Variants in VAV3 observed in about 807,000 individuals in gnomAD.
VAV3 encodes the protein vav guanine nucleotide exchange factor 3, also known as guanine nucleotide exchange factor VAV3.
Under a neutral mutation model 131.2 loss-of-function variants are expected in VAV3, and 94 were observed. The ratio of observed to expected loss-of-function variants is 0.72; its 90% CI spans 0.61 to 0.85. The LOEUF (loss-of-function observed/expected upper bound fraction) is 0.85, where lower values mean the gene tolerates loss of function less well. VAV3 is among the 40% of genes least tolerant of loss of function. VAV3 has a pLI of 0.00. For missense variants in VAV3, 939 were observed against 1,002.7 expected, an observed-to-expected ratio of 0.94 and a Z score of 0.86; for synonymous variants, 349 against 342.0, an observed-to-expected ratio of 1.02 and a Z score of -0.22.
intron 2 of VAV3, among the ~76,000 whole-genome samples, chr1:107,848,991 A>C (rs1320989544): frequency 6.6e-6 from 1 of 152,148 alleles, no homozygotes; most frequent in Non-Finnish European, 1.5e-5. Context: ...AAGAGAATAA[A>C]ATACCTAGGA....
Position 107,599,358 on chromosome 1 carries a change from G to C in VAV3, c.2221-3017C>G, listed in dbSNP as rs17019498. Among the ~76,000 whole-genome samples the C allele has an allele frequency of 7.1e-3, 1,087 of 152,158 alleles. 38 individuals are homozygous for C. In the East Asian group the frequency reaches 0.11, roughly 15 times the overall value. Reference sequence around the variant, plus strand: ...CTGCCTTAACAGTCATTGACCTTCAGGTACAACAAGTAAATAAGAAGACTC... The same window carrying C: ...CTGCCTTAACAGTCATTGACCTTCACGTACAACAAGTAAATAAGAAGACTC... On this transcript the variant is annotated intron_variant, in intron 24 of 26. Transcript: ENST00000370056.
intron 19 of VAV3, among the ~76,000 whole-genome samples, chr1:107,647,518 AG>A: frequency 2.0e-5 from 3 of 152,132 alleles, no homozygotes; most frequent in Middle Eastern, 6.8e-3. Context: ...GTGAACTCTG[AG>A]ATAACAATAC....
At chr1:107,875,539 A>G (rs1670454378) in intron 1 of VAV3, among the ~76,000 whole-genome samples, 1 of 152,056 alleles carries the variant, frequency 6.6e-6, no homozygotes, top group Non-Finnish European at 1.5e-5. Context: ...GAGGCCTCTG[A>G]GCGTGTCTGA....
At chr1:107,822,309 GA>G (rs1480192184) in intron 2 of VAV3, among the ~76,000 whole-genome samples, 4 of 152,016 alleles carry the variant, frequency 2.6e-5, no homozygotes, top group African/African-American at 9.7e-5. Flanking sequence ...TTTCCAAAGG[GA>G]TAAGTGGGAA....
chr1:107,680,227 C>CA (rs562511648), intron 19 of VAV3, among the ~76,000 whole-genome samples: 23,917 of 146,108 alleles, frequency 0.16, 2,077 homozygotes, highest in Middle Eastern at 0.23. Flanking sequence ...ATAATTTCAC[C>CA]AAAAAAAAAA....
chr1:107,891,668 G>A (rs772236144), intron 1 of VAV3, among the ~76,000 whole-genome samples: 5 of 151,778 alleles, frequency 3.3e-5, no homozygotes, highest in African/African-American at 7.3e-5. Flanking sequence ...GTGAAACCCC[G>A]TCTCTACTAA....
At chr1:107,660,330 T>C (rs896402215) in intron 19 of VAV3, among the ~76,000 whole-genome samples, 1 of 152,230 alleles carries the variant, frequency 6.6e-6, no homozygotes, top group Non-Finnish European at 1.5e-5. Context: ...AGTTATATAA[T>C]TGTTATTTTC....
At chr1:107,940,116 G>C (rs1364567674) in intron 1 of VAV3, among the ~76,000 whole-genome samples, 1 of 152,132 alleles carries the variant, frequency 6.6e-6, no homozygotes, top group African/African-American at 2.4e-5. Context: ...TTACCAGCTG[G>C]AGGAGCTCTT....
intron 1 of VAV3, among the ~76,000 whole-genome samples, chr1:107,912,063 G>T (rs961755380): frequency 2.6e-5 from 4 of 151,970 alleles, no homozygotes; most frequent in South Asian, 2.1e-4. Flanking sequence ...GTTTGTTTGT[G>T]TGTGTGTGTG....
intron 2 of VAV3, among the ~76,000 whole-genome samples, chr1:107,860,760 G>A (rs997897103): frequency 2.6e-5 from 4 of 151,686 alleles, no homozygotes; most frequent in African/African-American, 4.8e-5. Context: ...GCCAAGCACA[G>A]TGGCGTGCAC....
chr1:107,644,677 A>G (rs952802588), intron 19 of VAV3, among the ~76,000 whole-genome samples: 28 of 152,214 alleles, frequency 1.8e-4, no homozygotes, highest in Non-Finnish European at 3.5e-4. Flanking sequence ...TCTTAAGAAG[A>G]AACAACTGAA....
chr1:107,594,922 C>G (rs541180603), intron 25 of VAV3, among the ~76,000 whole-genome samples: 1 of 152,116 alleles, frequency 6.6e-6, no homozygotes, highest in Non-Finnish European at 1.5e-5. Flanking sequence ...TTTATTATCT[C>G]TTGCTGCTGG....
intron 15 of VAV3, among the ~76,000 whole-genome samples, chr1:107,728,594 C>CGTATACGTATATGTATATGTATAT (rs1325453774): frequency 1.4e-5 from 1 of 69,262 alleles, no homozygotes; most frequent in African/African-American, 4.5e-5. Context: ...CATATGTATA[C>CGTATACGTATATGTATATGTATAT]GTATACGTAT....
intron 1 of VAV3, among the ~76,000 whole-genome samples, chr1:107,884,113 A>G (rs559606426): frequency 3.3e-5 from 5 of 151,966 alleles, no homozygotes; most frequent in Non-Finnish European, 5.9e-5. Context: ...AGCTAGCTCA[A>G]AGCAACCCAG....
intron 1 of VAV3, among the ~76,000 whole-genome samples, chr1:107,918,315 C>A (rs1672719537): frequency 6.6e-6 from 1 of 152,136 alleles, no homozygotes; most frequent in African/African-American, 2.4e-5. Context: ...AACCAGAGTG[C>A]AGGTGGCAAT....
chr1:107,785,171 T>C (rs929902865), intron 2 of VAV3, among the ~76,000 whole-genome samples: 1 of 152,216 alleles, frequency 6.6e-6, no homozygotes, highest in Non-Finnish European at 1.5e-5. Context: ...AGCACATTAG[T>C]GCTGTTGATG....
At chr1:107,920,844 T>A (rs987902107) in intron 1 of VAV3, among the ~76,000 whole-genome samples, 3 of 152,200 alleles carry the variant, frequency 2.0e-5, no homozygotes, top group African/African-American at 7.2e-5. Context: ...GGCATATATA[T>A]ATCTCCTTTG....
intron 25 of VAV3, among the ~76,000 whole-genome samples, chr1:107,584,217 G>A (rs1183031917): frequency 1.3e-5 from 2 of 152,182 alleles, no homozygotes; most frequent in African/African-American, 4.8e-5. Flanking sequence ...GTAGAAAGCT[G>A]AAACTGGATC....
At chr1:107,802,660 G>A (rs1423514889) in intron 2 of VAV3, among the ~76,000 whole-genome samples, 6 of 152,038 alleles carry the variant, frequency 3.9e-5, no homozygotes, top group Non-Finnish European at 7.4e-5. Flanking sequence ...ATTTGCATAT[G>A]TTGAACTATC....
Sources: gnomAD v4.1 joint callset for allele counts (sites outside exome capture counted in the v4.1 genomes callset) on GRCh38, gnomAD v4.1.1 for gene constraint, MANE v1.5 for transcripts, NCBI Gene and HGNC (gene_info 2026-07-23, HGNC 2026-07-21) for gene names.